The following OVGP1 variants were observed in gnomAD, a reference collection of about 807,000 sequenced individuals.
OVGP1 encodes oviductal glycoprotein 1.
A neutral mutation model predicts 48.2 loss-of-function variants in OVGP1; 26 were observed. The observed-to-expected ratio is 0.54, with a 90% CI of 0.40 to 0.75. OVGP1 has a LOEUF of 0.75. Ranked by LOEUF, OVGP1 falls within the 30% of genes least tolerant of loss-of-function variation. The probability of loss-of-function intolerance (pLI) is 0.00; values close to 1 mark genes in which losing one functional copy is unlikely to be tolerated. For missense variants in OVGP1, 791 were observed against 820.6 expected, an observed-to-expected ratio of 0.96 and a Z score of 0.44; for synonymous variants, 294 against 305.7, an observed-to-expected ratio of 0.96 and a Z score of 0.40.
chr1:111,423,649 G>T lies in OVGP1; in HGVS notation c.377C>A (p.Ser126Tyr), dbSNP rs866912997. 4.3e-6 allele frequency: 7 copies of T among 1,614,100 alleles called. No homozygotes were observed. In the East Asian group the frequency reaches 1.6e-4, roughly 36 times the overall value. Residue 126 changes from serine to tyrosine, a missense_variant, in exon 5 of 11, where the codon TCC becomes TAC. Physicochemically the swap from Ser to Tyr is moderately radical, Grantham distance 144. Transcript: ENST00000369732. ...NREKFIASVISLLRTHDFDGL... is the reference protein window; with the variant it reads ...NREKFIASVIYLLRTHDFDGL... ...ATCAAAGTCATGTGTCCTCAGAAGGGATATAACTGAAGCAATAAACTTTTC... is the reference window on the plus strand; with the variant it reads ...ATCAAAGTCATGTGTCCTCAGAAGGTATATAACTGAAGCAATAAACTTTTC...
Position 111,420,528 on chromosome 1 carries a change from C to G in OVGP1, c.903+748G>C, listed in dbSNP as rs547536535. On this transcript the variant is annotated intron_variant, in intron 8 of 10. Transcript: ENST00000369732. ...CCTGTCCCTCTGTACCTGCTGTCCT[C>G]TACCTGGGAAGTCCTTCCCGTCTAG... 7.9e-5 allele frequency among the ~76,000 whole-genome samples: 12 copies of G among 152,340 alleles called. No homozygotes were observed. In the South Asian group the frequency reaches 2.5e-3, roughly 32 times the overall value.
In OVGP1 at chr1:111,416,422, T is replaced by C. The variant is rs762501892; in HGVS notation, c.1057A>G (p.Met353Val). The change falls in exon 10 of 11, where the codon ATG becomes GTG. Residue 353 changes from methionine (M) to valine (V), a missense_variant. Met to Val is a conservative substitution (Grantham distance 21). Transcript: ENST00000369732. ...FIRREHFGGAMVWTLDMDDVR... is the reference protein window; with the variant it reads ...FIRREHFGGAVVWTLDMDDVR... ...TCATCCATGTCCAATGTCCACACCA[T>C]GGCCCCCCCAAAATGCTCTCGCCTT... The C allele has an allele frequency of 1.1e-5, 18 of 1,606,640 alleles. No individual in the cohort carries two copies. Among genetic ancestry groups the C allele is most frequent in the Admixed American group, 8.5e-5 (5 of 58,762 alleles).
At chr1:111,425,508 T>A in intron 3 of OVGP1, 69 bp from the exon 4 acceptor site, 2 of 1,605,290 alleles carry the variant, frequency 1.2e-6, no homozygotes. Flanking sequence ...GCCACATTCT[T>A]TTATTTTGCT....
At position 111,415,251 on chromosome 1, in the gene OVGP1, C is replaced by T; in HGVS notation, c.1250G>A (p.Trp417Ter). 2 of 1,614,162 alleles carry T rather than the reference C, an allele frequency of 1.2e-6. No homozygotes were observed. The highest frequency in any genetic ancestry group is 1.7e-6 in the Non-Finnish European group (2 of 1,180,030). The change falls in exon 11 of 11, where the codon TGG becomes TAG. Residue 417 changes from tryptophan to a stop codon, truncating the protein, a stop_gained. Coordinates refer to ENST00000369732, the MANE Select transcript of OVGP1 (RefSeq NM_002557.4). LOFTEE classifies it low-confidence loss of function (END_TRUNC). ...DPERLAVTTA[W>*]TTDSKILPPG... ...GGGCAAAATCTTACTATCAGTGGTC[C>T]ATGCCGTGGTCACAGCCAGCCTTTC...
Position 111,415,046 on chromosome 1 carries a change from C to A in OVGP1, c.1455G>T (p.Gln485His), listed in dbSNP as rs1431237761. Reference sequence around the variant, plus strand: ...GGGCCTTCTCTCCAGGGGTCATGGACTGATGACCCACAGAAGTCATGGTCA... The same window carrying A: ...GGGCCTTCTCTCCAGGGGTCATGGAATGATGACCCACAGAAGTCATGGTCA... ...GAMTMTSVGH[Q>H]SMTPGEKALT... Residue 485 changes from glutamine (Q) to histidine (H), a missense_variant, in exon 11 of 11, where the codon CAG becomes CAT. By Grantham distance (24) the Gln-to-His change is conservative. Transcript: ENST00000369732. 1 of 1,613,332 alleles carries A rather than the reference C, an allele frequency of 6.2e-7. No individual in the cohort carries two copies. The highest frequency in any genetic ancestry group is 2.2e-5 in the East Asian group (1 of 44,874).
rs764256510 is a variant in OVGP1, at chr1:111,423,599, G to A, written c.427C>T (p.Pro143Ser). 6.2e-7 allele frequency: 1 copy of A among 1,614,038 alleles called. No homozygotes were observed. Among genetic ancestry groups the A allele is most frequent in the East Asian group, 2.2e-5 (1 of 44,894 alleles). ...TGCATGGGGCTGCCTCTTAGTCCAG[G>A]ATATAAGAAGAAAAGGTCAAGACCA... ...FDGLDLFFLY[P>S]GLRGSPMHDR... The change falls in exon 5 of 11, where the codon CCT becomes TCT. Residue 143 changes from proline to serine, a missense_variant. Pro to Ser is a moderately conservative substitution (Grantham distance 74, BLOSUM62 -1). Transcript: ENST00000369732.
chr1:111,416,266 T>C (rs2101722245), intron 10 of OVGP1, 57 bp downstream of exon 10: 1 of 1,479,826 alleles, frequency 6.8e-7, no homozygotes, highest in Non-Finnish European at 9.1e-7. Context: ...AGAAGGGCCT[T>C]ACCCAGTGCT....
At chr1:111,419,825 C>A in intron 8 of OVGP1, 99 bp from the exon 9 acceptor site, 1 of 757,156 alleles carries the variant, frequency 1.3e-6, no homozygotes, top group Non-Finnish European at 2.3e-6. Flanking sequence ...CCAAGAATCC[C>A]TAACCAGCGA....
chr1:111,427,559 C>T (rs1571358074), intron 1 of OVGP1, 138 bp downstream of exon 1: 1 of 1,147,254 alleles, frequency 8.7e-7, no homozygotes, highest in East Asian at 2.4e-5. Flanking sequence ...TGACCATTAA[C>T]TATGGCCCAT....
chr1:111,426,413 C>T (rs779260206), intron 3 of OVGP1, 24 bp downstream of exon 3: 1 of 1,613,616 alleles, frequency 6.2e-7, no homozygotes, highest in South Asian at 1.1e-5. Context: ...GAAAATACAA[C>T]CCCCACATCC....
intron 8 of OVGP1, among the ~76,000 whole-genome samples, 191 bp downstream of exon 8, chr1:111,421,085 A>T (rs1652255659): frequency 6.6e-6 from 1 of 152,204 alleles, no homozygotes; most frequent in Non-Finnish European, 1.5e-5. Flanking sequence ...TTCGTCCCTT[A>T]CAAAGGACTC....
chr1:111,424,701 A>C (rs1194348087), intron 4 of OVGP1, among the ~76,000 whole-genome samples: 2 of 152,226 alleles, frequency 1.3e-5, no homozygotes, highest in Non-Finnish European at 2.9e-5. Flanking sequence ...CCCTGCCCTG[A>C]ATCTTTCCTC....
intron 4 of OVGP1, among the ~76,000 whole-genome samples, chr1:111,425,092 C>T (rs1018207091): frequency 7.9e-5 from 12 of 152,194 alleles, no homozygotes; most frequent in Non-Finnish European, 1.5e-4. Context: ...GGAGACAAAA[C>T]CCTTGCCTCT....
At chr1:111,415,911 T>G (rs533475115) in intron 10 of OVGP1, among the ~76,000 whole-genome samples, 18 of 152,178 alleles carry the variant, frequency 1.2e-4, no homozygotes, top group Non-Finnish European at 2.6e-4. Context: ...ACCTCTTGCA[T>G]GCTAGCTTCC....
chr1:111,427,119 C>T (rs1319429617), intron 1 of OVGP1, 28 bp from the exon 2 acceptor site: 1 of 1,613,876 alleles, frequency 6.2e-7, no homozygotes, highest in Non-Finnish European at 8.5e-7. Context: ...AGGAGTCACA[C>T]AGAGATTCAT....
chr1:111,416,278 G>C (rs759870443), intron 10 of OVGP1, 45 bp downstream of exon 10: 1 of 1,516,664 alleles, frequency 6.6e-7, no homozygotes, highest in Non-Finnish European at 8.9e-7. Context: ...CCCAGTGCTT[G>C]GTTATGCAAC....
At chr1:111,427,410 G>A in intron 1 of OVGP1, 1 of 963,990 alleles carries the variant, frequency 1.0e-6, no homozygotes, top group Non-Finnish European at 1.2e-6. Context: ...AAATTAAGAA[G>A]TACTGATATC....
chr1:111,422,235 C>A (rs1380608188), intron 6 of OVGP1, among the ~76,000 whole-genome samples: 2 of 152,156 alleles, frequency 1.3e-5, no homozygotes, highest in African/African-American at 4.8e-5. Context: ...CTCTCTCAAT[C>A]CTGTCTGGCT....
At position 111,423,632 on chromosome 1, in the gene OVGP1, C is replaced by T; in HGVS notation, c.394G>A (p.Asp132Asn). 1 of 1,614,164 alleles carries T rather than the reference C, an allele frequency of 6.2e-7. No individual in the cohort carries two copies. The highest frequency in any genetic ancestry group is 8.5e-7 in the Non-Finnish European group (1 of 1,179,986). The change falls in exon 5 of 11, where the codon GAC (aspartate) becomes AAC (asparagine). Residue 132 changes from aspartate to asparagine, a missense_variant. Transcript: ENST00000369732. ...AAGAAAAGGTCAAGACCATCAAAGT[C>T]ATGTGTCCTCAGAAGGGATATAACT... The part of the protein sequence containing the change: ...ASVISLLRTH[D>N]FDGLDLFFLY...
Sources: gnomAD v4.1 joint callset for allele counts (sites outside exome capture counted in the v4.1 genomes callset) on GRCh38, gnomAD v4.1.1 for gene constraint, MANE v1.5 for transcripts, NCBI Gene and HGNC (gene_info 2026-07-23, HGNC 2026-07-21) for gene names.